Variants in EPHA5 observed in about 807,000 individuals in gnomAD.
EPHA5 encodes the protein ephrin type-A receptor 5.
In EPHA5, 60 loss-of-function variants were observed where a neutral mutation model predicts 105.0. The ratio of observed to expected loss-of-function variants is 0.57; its 90% CI spans 0.46 to 0.71. The LOEUF (loss-of-function observed/expected upper bound fraction) is 0.71, where lower values mean the gene tolerates loss of function less well. Ranked by LOEUF, EPHA5 falls within the 30% of genes least tolerant of loss-of-function variation. The pLI is 0.00. For synonymous variants in EPHA5, 513 were observed against 449.1 expected (o/e 1.14, Z -1.80); for missense variants, 1,218 against 1,274.7 (o/e 0.96, Z 0.68).
At chr4:65,441,556 G>A (rs1726016657) in intron 5 of EPHA5, among the ~76,000 whole-genome samples, 1 of 151,944 alleles carries the variant, frequency 6.6e-6, no homozygotes, top group African/African-American at 2.4e-5. Flanking sequence ...AGGAAAAAAG[G>A]GAGAGAGGAA....
rs984039762 is a variant in EPHA5, at chr4:65,321,504, CTTG to C, written c.*2607_*2609del. On this transcript the variant is annotated 3_prime_UTR_variant, in exon 17 of 17. Coordinates refer to ENST00000613740, the MANE Select transcript of EPHA5 (RefSeq NM_001281766.3). ...TCTTTCCTCTTTTTTAGGGAGAGTA[CTTG>C]TTGTTTGACAGTCTCTTTATTCATT... 1.7e-5 allele frequency: 4 copies of C among 228,884 alleles called. No homozygotes were observed. The highest frequency in any genetic ancestry group is 3.5e-5 in the Non-Finnish European group (4 of 115,354). The allele number at this position is 228,884 out of a possible 1,614,324, so 14.2% of individuals were successfully genotyped here. A position where few individuals can be genotyped will look rare whatever the true frequency, so the allele number is the denominator to read the frequency against.
intron 5 of EPHA5, among the ~76,000 whole-genome samples, chr4:65,484,606 C>T (rs1363179707): frequency 4.6e-5 from 7 of 152,048 alleles, no homozygotes; most frequent in African/African-American, 7.2e-5. Context: ...GTGTCTGTTT[C>T]GGCCCAGAAT....
chr4:65,476,157 T>TGA, intron 5 of EPHA5, among the ~76,000 whole-genome samples: 1 of 151,628 alleles, frequency 6.6e-6, no homozygotes, highest in South Asian at 2.1e-4. Flanking sequence ...TGTGTGTGTG[T>TGA]GTTAAAATAT....
At chr4:65,376,399 G>T (rs1577956493) in intron 8 of EPHA5, among the ~76,000 whole-genome samples, 1 of 152,010 alleles carries the variant, frequency 6.6e-6, no homozygotes, top group East Asian at 1.9e-4. Flanking sequence ...AAATAATTAA[G>T]AGTATGCCAT....
chr4:65,445,975 C>G (rs1049927085), intron 5 of EPHA5, among the ~76,000 whole-genome samples: 2 of 152,162 alleles, frequency 1.3e-5, no homozygotes, highest in Non-Finnish European at 2.9e-5. Flanking sequence ...TGGGCCACCA[C>G]TATCTCTCCT....
At chr4:65,500,215 A>G (rs1300217262) in intron 3 of EPHA5, among the ~76,000 whole-genome samples, 3 of 151,458 alleles carry the variant, frequency 2.0e-5, no homozygotes, top group African/African-American at 7.2e-5. Flanking sequence ...TGATGTCTGT[A>G]CATTACCTAA....
At chr4:65,353,343 CA>C (rs1723010431) in intron 11 of EPHA5, among the ~76,000 whole-genome samples, 1 of 147,198 alleles carries the variant, frequency 6.8e-6, no homozygotes, top group Non-Finnish European at 1.5e-5. Flanking sequence ...ATTTTAAAAA[CA>C]TTTTTTAAAG....
chr4:65,413,805 T>G (rs773142257), intron 7 of EPHA5, among the ~76,000 whole-genome samples: 3 of 152,160 alleles, frequency 2.0e-5, no homozygotes, highest in Non-Finnish European at 4.4e-5. Context: ...TATTCCCAGA[T>G]TCTCCACTTA....
At chr4:65,451,436 A>T (rs1224224593) in intron 5 of EPHA5, among the ~76,000 whole-genome samples, 1 of 152,138 alleles carries the variant, frequency 6.6e-6, no homozygotes, top group Admixed American at 6.5e-5. Flanking sequence ...GCCATTGATT[A>T]TAGTAGGCTG....
At chr4:65,405,208 G>T (rs1248495888) in intron 7 of EPHA5, among the ~76,000 whole-genome samples, 1 of 152,058 alleles carries the variant, frequency 6.6e-6, no homozygotes, top group Non-Finnish European at 1.5e-5. Flanking sequence ...ATATGAACAT[G>T]ATTAGGTAGT....
intron 1 of EPHA5, among the ~76,000 whole-genome samples, chr4:65,651,536 A>G (rs1748608546): frequency 6.6e-6 from 1 of 152,158 alleles, no homozygotes; most frequent in Non-Finnish European, 1.5e-5. Flanking sequence ...AAATTTTCAC[A>G]TTATCTTTGA....
At chr4:65,347,153 G>A (rs914919261) in intron 14 of EPHA5, among the ~76,000 whole-genome samples, 1 of 149,760 alleles carries the variant, frequency 6.7e-6, no homozygotes, top group African/African-American at 2.5e-5. Flanking sequence ...GAGGTTTTAT[G>A]GAGCATGGAT....
chr4:65,633,866 A>G (rs1324206556), intron 2 of EPHA5, among the ~76,000 whole-genome samples: 1 of 152,104 alleles, frequency 6.6e-6, no homozygotes, highest in Non-Finnish European at 1.5e-5. Context: ...GAAAAAAGCA[A>G]TCTAAAGAAG....
chr4:65,609,287 A>G (rs1744532286), intron 2 of EPHA5, among the ~76,000 whole-genome samples: 1 of 152,186 alleles, frequency 6.6e-6, no homozygotes, highest in African/African-American at 2.4e-5. Flanking sequence ...CCTCAATATT[A>G]TGTTAGTGGG....
intron 4 of EPHA5, among the ~76,000 whole-genome samples, chr4:65,492,353 C>A (rs142346993): frequency 6.6e-6 from 1 of 151,706 alleles, no homozygotes; most frequent in Admixed American, 6.6e-5. Flanking sequence ...AGGGGCCCAC[C>A]ACCACACCTG....
At chr4:65,382,887 T>C (rs1206490258) in intron 8 of EPHA5, among the ~76,000 whole-genome samples, 1 of 151,612 alleles carries the variant, frequency 6.6e-6, no homozygotes, top group Non-Finnish European at 1.5e-5. Flanking sequence ...GGAATTTACT[T>C]AATGAATACA....
chr4:65,528,839 C>T (rs1735489538), intron 3 of EPHA5, among the ~76,000 whole-genome samples: 1 of 152,080 alleles, frequency 6.6e-6, no homozygotes, highest in Non-Finnish European at 1.5e-5. Context: ...ACCATTCTGG[C>T]ATTAATGCTC....
chr4:65,637,463 C>T (rs2149502674), intron 2 of EPHA5, among the ~76,000 whole-genome samples: 1 of 150,404 alleles, frequency 6.6e-6, no homozygotes, highest in South Asian at 2.1e-4. Context: ...CCTCTGGCTT[C>T]CTGAAATATC....
chr4:65,639,791 T>A (rs1747476345), intron 2 of EPHA5, among the ~76,000 whole-genome samples: 1 of 152,148 alleles, frequency 6.6e-6, no homozygotes, highest in Admixed American at 6.5e-5. Context: ...TTCCTCAGAT[T>A]TGATTATCTC....
Sources: gnomAD v4.1 joint callset for allele counts (sites outside exome capture counted in the v4.1 genomes callset) on GRCh38, gnomAD v4.1.1 for gene constraint, MANE v1.5 for transcripts, NCBI Gene and HGNC (gene_info 2026-07-23, HGNC 2026-07-21) for gene names.